RORA: variants seen among roughly 807,000 people sequenced by gnomAD.
RORA encodes the protein nuclear receptor ROR-alpha.
A neutral mutation model predicts 69.5 loss-of-function variants in RORA; 7 were observed. The ratio of observed to expected loss-of-function variants is 0.10; its 90% CI spans 0.06 to 0.19. The LOEUF is 0.19. Ranked by LOEUF, RORA falls within the 10% of genes least tolerant of loss-of-function variation. The pLI is 1.00. For missense variants in RORA, 457 were observed against 663.0 expected (o/e 0.69, Z 3.41); for synonymous variants, 261 against 240.8 (o/e 1.08, Z -0.78).
intron 2 of RORA, among the ~76,000 whole-genome samples, chr15:60,647,795 T>TA (rs1332299720): frequency 3.9e-5 from 6 of 152,226 alleles, no homozygotes; most frequent in African/African-American, 1.4e-4. Flanking sequence ...CCATTATTGA[T>TA]ATAGAGCCTT....
chr15:60,842,696 C>A (rs529839816), intron 1 of RORA, among the ~76,000 whole-genome samples: 2 of 151,774 alleles, frequency 1.3e-5, no homozygotes, highest in Non-Finnish European at 2.9e-5. Context: ...TCACACCCCT[C>A]CCCCGACCCT....
intron 1 of RORA, among the ~76,000 whole-genome samples, chr15:61,002,169 T>G (rs1303402047): frequency 2.0e-5 from 3 of 152,212 alleles, no homozygotes; most frequent in Non-Finnish European, 4.4e-5. Context: ...AAGGAGGACT[T>G]AGTCCCAGGA....
At chr15:61,139,395 C>T (rs542011133) in intron 1 of RORA, among the ~76,000 whole-genome samples, 1 of 152,268 alleles carries the variant, frequency 6.6e-6, no homozygotes, top group South Asian at 2.1e-4. Flanking sequence ...CCAAAAGACC[C>T]AAAGTCTTGC....
At chr15:60,625,537 C>T (rs1388950242) in intron 2 of RORA, among the ~76,000 whole-genome samples, 2 of 152,134 alleles carry the variant, frequency 1.3e-5, no homozygotes, top group Admixed American at 1.3e-4. Flanking sequence ...TTTGTATTTG[C>T]AAAGCCTGAA....
At chr15:60,607,729 C>T (rs532306177) in intron 2 of RORA, among the ~76,000 whole-genome samples, 1 of 152,104 alleles carries the variant, frequency 6.6e-6, no homozygotes, top group Non-Finnish European at 1.5e-5. Flanking sequence ...GTGTTCAGGG[C>T]TCAAGTTTAT....
chr15:61,141,747 G>A (rs2079300932), intron 1 of RORA, among the ~76,000 whole-genome samples: 1 of 152,180 alleles, frequency 6.6e-6, no homozygotes, highest in Non-Finnish European at 1.5e-5. Context: ...AGCCTGCCTG[G>A]CAGGCCCCTA....
chr15:60,712,740 G>A (rs868202225), intron 1 of RORA, among the ~76,000 whole-genome samples: 3 of 152,166 alleles, frequency 2.0e-5, no homozygotes, highest in Non-Finnish European at 4.4e-5. Flanking sequence ...TGTGACTGCT[G>A]GTGCTCAGCT....
intron 1 of RORA, among the ~76,000 whole-genome samples, chr15:60,986,426 C>G (rs1414286028): frequency 6.6e-6 from 1 of 152,178 alleles, no homozygotes. Context: ...ACAATTAGCC[C>G]CTTCAGACAT....
At chr15:61,156,087 C>G (rs947620340) in intron 1 of RORA, among the ~76,000 whole-genome samples, 12 of 152,176 alleles carry the variant, frequency 7.9e-5, no homozygotes, top group African/African-American at 2.6e-4. Context: ...AAAAAAAAAT[C>G]TCATGATCTG....
chr15:60,660,427 G>A (rs1311470539), intron 2 of RORA, among the ~76,000 whole-genome samples: 1 of 152,196 alleles, frequency 6.6e-6, no homozygotes, highest in East Asian at 1.9e-4. Context: ...ACCTCTGACA[G>A]ACTTTAGCAG....
At chr15:60,677,661 C>CT (rs2070574525) in intron 2 of RORA, among the ~76,000 whole-genome samples, 1 of 149,696 alleles carries the variant, frequency 6.7e-6, no homozygotes, top group Admixed American at 6.7e-5. Flanking sequence ...CAAGAATCAA[C>CT]TGAGGCACAA....
intron 1 of RORA, among the ~76,000 whole-genome samples, chr15:60,748,605 C>T (rs2071681537): frequency 6.6e-6 from 1 of 152,216 alleles, no homozygotes; most frequent in Admixed American, 6.5e-5. Flanking sequence ...ATGACCAACA[C>T]AGCTCCTGGT....
intron 1 of RORA, among the ~76,000 whole-genome samples, chr15:60,796,241 TG>T (rs2072493671): frequency 6.6e-6 from 1 of 152,154 alleles, no homozygotes; most frequent in Admixed American, 6.5e-5. Flanking sequence ...GAATGTATGC[TG>T]GAACAGGCTT....
chr15:60,531,539 A>G lies in RORA; in HGVS notation c.282+227T>C, dbSNP rs1370290. 4,456 of 453,086 alleles carry G rather than the reference A, an allele frequency of 9.8e-3. 193 individuals carry two copies. Among genetic ancestry groups the G allele is most frequent in the African/African-American group, 0.086 (4,147 of 48,132 alleles). 28.1% of individuals were successfully genotyped at this position (453,086 alleles called of 1,614,324 possible). On this transcript the variant is annotated intron_variant, in intron 3 of 10. Transcript: ENST00000335670. This position sits in a 1 kb window ranked among gnomAD's most constrained non-coding sequence, Gnocchi z 4.8. ...TGGGGTTGAAAGTGATAAACAAGCA[A>G]TGCTCAAATACCTTTTTGTAATCTC... is the stretch of plus-strand genomic sequence containing the variant.
intron 1 of RORA, among the ~76,000 whole-genome samples, chr15:60,872,190 C>G (rs997407312): frequency 6.6e-6 from 1 of 152,162 alleles, no homozygotes; most frequent in Non-Finnish European, 1.5e-5. Flanking sequence ...AAGCTGTGAT[C>G]TTGCATTGGC....
At chr15:61,205,312 G>A (rs1452619104) in intron 1 of RORA, among the ~76,000 whole-genome samples, 1 of 152,166 alleles carries the variant, frequency 6.6e-6, no homozygotes, top group Non-Finnish European at 1.5e-5. Context: ...GCGAGGGTGG[G>A]GGGCAATTCT....
chr15:61,075,330 G>C (rs141560734), intron 1 of RORA, among the ~76,000 whole-genome samples: 25 of 152,120 alleles, frequency 1.6e-4, no homozygotes, highest in African/African-American at 5.5e-4. Flanking sequence ...CAGGCAAAAG[G>C]GCATCCCTGC....
Position 60,891,717 on chromosome 15 carries a change from A to G in RORA, c.167-213031T>C, listed in dbSNP as rs202228167. ...CTCATTTCCTGCTATTCTGCACGTG[A>G]CTCCTTTACTCCACCAAATTATAAA... is the stretch of plus-strand genomic sequence containing the variant. On this transcript the variant is annotated intron_variant, in intron 1 of 10. Coordinates refer to ENST00000335670, the MANE Select transcript of RORA (RefSeq NM_134261.3). Among the ~76,000 whole-genome samples, 23 of 151,552 alleles carry G rather than the reference A, an allele frequency of 1.5e-4. No homozygotes were observed. The East Asian group carries it at 4.1e-3, about 27-fold the overall frequency.
chr15:60,725,778 G>A (rs12909890), intron 1 of RORA, among the ~76,000 whole-genome samples: 73,989 of 151,934 alleles, frequency 0.49, 21,951 homozygotes, highest in Admixed American at 0.65. Flanking sequence ...TTCAGTAAAG[G>A]CCATGAAATT....
Sources: allele counts gnomAD v4.1 joint callset (sites outside exome capture counted in the v4.1 genomes callset), GRCh38; gene constraint gnomAD v4.1.1; non-coding constraint Gnocchi (gnomAD v3.1); transcripts MANE v1.5; gene names NCBI Gene and HGNC (gene_info 2026-07-23, HGNC 2026-07-21).